Variants in LEPROTL1 observed in about 807,000 individuals in gnomAD.
The protein encoded by LEPROTL1 is leptin receptor overlapping transcript like 1.
Under a neutral mutation model 15.4 loss-of-function variants are expected in LEPROTL1, and 6 were observed. The observed-to-expected ratio is 0.39, with a 90% CI of 0.21 to 0.77. The LOEUF is 0.77. LEPROTL1 is among the 30% of genes least tolerant of loss of function. The probability of loss-of-function intolerance (pLI) is 0.41; values close to 1 mark genes in which losing one functional copy is unlikely to be tolerated. For synonymous variants in LEPROTL1, 56 were observed against 52.6 expected, an observed-to-expected ratio of 1.06 and a Z score of -0.28; for missense variants, 128 against 158.1, an observed-to-expected ratio of 0.81 and a Z score of 1.02.
chr8:30,109,580 C>T (rs1000003412), downstream of LEPROTL1, among the ~76,000 whole-genome samples: 1 of 152,146 alleles, frequency 6.6e-6, no homozygotes, highest in East Asian at 1.9e-4. Context: ...AAGTGGCTGC[C>T]GACCTGTATT....
chr8:30,137,687 T>C (rs940029799), exon 5 of LEPROTL1: 21 of 595,482 alleles, frequency 3.5e-5, no homozygotes, highest in Non-Finnish European at 5.7e-5. Flanking sequence ...TCCTTGTTCA[T>C]TCCCGGGACT....
chr8:30,097,894 G>GT (rs755624149), intron 1 of LEPROTL1, among the ~76,000 whole-genome samples: 2,958 of 133,350 alleles, frequency 0.022, 24 homozygotes, highest in Non-Finnish European at 0.034. Flanking sequence ...TAGTCCCTTG[G>GT]TTTTTTTTTT....
chr8:30,138,060 C>G (rs1267574526), downstream of LEPROTL1: 1 of 172,858 alleles, frequency 5.8e-6, no homozygotes, highest in East Asian at 1.5e-4. Context: ...TGTTCTGACT[C>G]CCTATGATTT....
At chr8:30,103,983 A>G (rs1203030696) in intron 2 of LEPROTL1, among the ~76,000 whole-genome samples, 1 of 152,212 alleles carries the variant, frequency 6.6e-6, no homozygotes, top group Non-Finnish European at 1.5e-5. Flanking sequence ...AACCATAGTT[A>G]TCAAAACCAG....
intron 3 of LEPROTL1, among the ~76,000 whole-genome samples, chr8:30,114,373 C>T (rs1461146717): frequency 6.6e-6 from 1 of 152,124 alleles, no homozygotes; most frequent in African/African-American, 2.4e-5. Context: ...TCACTGCAGC[C>T]TCCACCTCCC....
At chr8:30,109,581 G>A (rs139530155), downstream of LEPROTL1, among the ~76,000 whole-genome samples, 3 of 152,066 alleles carry the variant, frequency 2.0e-5, no homozygotes, top group Admixed American at 6.6e-5. Context: ...AGTGGCTGCC[G>A]ACCTGTATTT....
chr8:30,113,488 C>A (rs1585470201), downstream of LEPROTL1, among the ~76,000 whole-genome samples: 1 of 152,136 alleles, frequency 6.6e-6, no homozygotes. Context: ...GTCATCGCTG[C>A]AAGTGGTGGA....
intron 1 of LEPROTL1, among the ~76,000 whole-genome samples, chr8:30,097,902 T>TG (rs1481004880): frequency 6.6e-6 from 1 of 151,782 alleles, no homozygotes; most frequent in East Asian, 1.9e-4. Context: ...TGGTTTTTTT[T>TG]TTTTTTTAAG....
At chr8:30,130,572 A>C (rs1000285165) in intron 3 of LEPROTL1, among the ~76,000 whole-genome samples, 20 of 152,290 alleles carry the variant, frequency 1.3e-4, no homozygotes, top group African/African-American at 4.3e-4. Flanking sequence ...TGCCAAGAAA[A>C]AAAGAATCAA....
chr8:30,131,296 A>ATGTGTGTG (rs1554485368), intron 3 of LEPROTL1, among the ~76,000 whole-genome samples: 1 of 123,914 alleles, frequency 8.1e-6, no homozygotes. Flanking sequence ...ATATATATAT[A>ATGTGTGTG]TGTGTGTGTG....
intron 1 of LEPROTL1, chr8:30,096,132 C>T (rs1802361260): frequency 3.7e-6 from 1 of 270,556 alleles, no homozygotes; most frequent in African/African-American, 2.3e-5. Flanking sequence ...CCAAAGTGCT[C>T]CTGGCTCTCT....
In LEPROTL1 at chr8:30,107,003, G is replaced by A; in HGVS notation, c.*1141G>A. On this transcript the variant is annotated 3_prime_UTR_variant, in exon 4 of 4. Coordinates refer to ENST00000321250, the MANE Select transcript of LEPROTL1 (RefSeq NM_015344.3). ...TAACAAGTAACTTGTTAGTCTTACA[G>A]ATAATTCATGCATTAACAGTTTAAG... The A allele has an allele frequency of 1.0e-6, 1 of 984,294 alleles. No homozygotes were observed. 61.0% of individuals were successfully genotyped at this position (984,294 alleles called of 1,614,324 possible). A position where few individuals can be genotyped will look rare whatever the true frequency, so the allele number is the denominator to read the frequency against.
At chr8:30,096,379 C>G in intron 1 of LEPROTL1, 1 of 985,252 alleles carries the variant, frequency 1.0e-6, no homozygotes, top group Non-Finnish European at 1.2e-6. Flanking sequence ...ACATTGATTT[C>G]TTGACCTGCC....
chr8:30,106,108 G>A lies in LEPROTL1; in HGVS notation c.*246G>A. ...TTATCTATAGTATGCTTTTTGTGGT[G>A]TCCTGCTGAATTTAAATATTTATGT... On this transcript the variant is annotated 3_prime_UTR_variant, in exon 4 of 4. Transcript: ENST00000321250. 9.7e-7 allele frequency: 1 copy of A among 1,033,754 alleles called. No individual in the cohort carries two copies. Among genetic ancestry groups the A allele is most frequent in the Non-Finnish European group, 1.2e-6 (1 of 861,062 alleles). 64.0% of individuals were successfully genotyped at this position (1,033,754 alleles called of 1,614,324 possible).
intron 4 of LEPROTL1, among the ~76,000 whole-genome samples, chr8:30,135,483 A>T (rs2117539421): frequency 6.6e-6 from 1 of 152,314 alleles, no homozygotes. Context: ...CTAATGTGGG[A>T]TTTGTACTGA....
At chr8:30,116,045 A>C (rs1417124766) in intron 3 of LEPROTL1, among the ~76,000 whole-genome samples, 2 of 152,148 alleles carry the variant, frequency 1.3e-5, no homozygotes, top group Non-Finnish European at 2.9e-5. Context: ...GTTTGAGACC[A>C]GCCTGGGCAA....
downstream of LEPROTL1, among the ~76,000 whole-genome samples, chr8:30,110,270 A>G (rs529743939): frequency 9.8e-5 from 15 of 152,328 alleles, no homozygotes; most frequent in Admixed American, 2.6e-4. Flanking sequence ...GAACAGAGCA[A>G]ATCCAAACCT....
At chr8:30,132,521 C>T (rs563758119) in intron 4 of LEPROTL1, 14 of 1,551,736 alleles carry the variant, frequency 9.0e-6, no homozygotes, top group Middle Eastern at 3.3e-4. Flanking sequence ...GTGGTCCACA[C>T]GACATAGATG....
chr8:30,099,616 AAAAAAAAAACCAGC>A (rs1177366898), intron 1 of LEPROTL1, among the ~76,000 whole-genome samples: 2 of 151,580 alleles, frequency 1.3e-5, no homozygotes, highest in African/African-American at 4.8e-5. Context: ...AAAAAAAAAA[AAAAAAAAAACCAGC>A]AAAAAAACAC....
Sources: allele counts gnomAD v4.1 joint callset (sites outside exome capture counted in the v4.1 genomes callset), GRCh38; gene constraint gnomAD v4.1.1; transcripts MANE v1.5; gene names NCBI Gene and HGNC (gene_info 2026-07-23, HGNC 2026-07-21).